Variants in IL1RAPL2 observed in about 807,000 individuals in gnomAD.
IL1RAPL2 encodes X-linked interleukin-1 receptor accessory protein-like 2.
Under a neutral mutation model 44.1 loss-of-function variants are expected in IL1RAPL2, and 3 were observed. The observed-to-expected ratio is 0.07, with a 90% CI of 0.03 to 0.18. The LOEUF (loss-of-function observed/expected upper bound fraction) is 0.18, where lower values mean the gene tolerates loss of function less well. Among genes scored for constraint, IL1RAPL2 ranks in the 10% least tolerant of loss-of-function variants. The probability of loss-of-function intolerance (pLI) is 1.00; values close to 1 mark genes in which losing one functional copy is unlikely to be tolerated. For synonymous variants in IL1RAPL2, 181 were observed against 178.8 expected (o/e 1.01, Z -0.10); for missense variants, 391 against 496.4 (o/e 0.79, Z 2.02).
intron 5 of IL1RAPL2, among the ~76,000 whole-genome samples, chrX:105,351,686 G>C (rs1322692458): frequency 9.1e-6 from 1 of 110,272 alleles, no homozygotes; most frequent in East Asian, 2.9e-4. Context: ...TGTAGATGAC[G>C]GGTTGATGGG....
At chrX:104,988,444 T>A (rs1310531352) in intron 2 of IL1RAPL2, among the ~76,000 whole-genome samples, 3 of 112,098 alleles carry the variant, frequency 2.7e-5, no homozygotes, top group Admixed American at 1.9e-4. Flanking sequence ...AGATGTAATA[T>A]CTTGTTTCTA....
At chrX:105,733,628 G>T (rs2038423036) in intron 7 of IL1RAPL2, among the ~76,000 whole-genome samples, 1 of 110,267 alleles carries the variant, frequency 9.1e-6, no homozygotes, top group Admixed American at 9.7e-5. Context: ...TCTTTCGTTG[G>T]CTGTCAACAT....
intron 5 of IL1RAPL2, among the ~76,000 whole-genome samples, chrX:105,467,985 T>TAGA (rs2036142169): frequency 8.9e-6 from 1 of 112,056 alleles, no homozygotes; most frequent in Non-Finnish European, 1.9e-5. Flanking sequence ...ACTAGCCTTC[T>TAGA]AGGTAATTCT....
At chrX:105,672,032 T>C (rs1006051499) in intron 6 of IL1RAPL2, among the ~76,000 whole-genome samples, 2 of 111,936 alleles carry the variant, frequency 1.8e-5, no homozygotes, top group Non-Finnish European at 3.8e-5. Context: ...TGCTGGGACT[T>C]TCTATTACTA....
At chrX:104,958,149 A>G (rs766625709) in intron 2 of IL1RAPL2, among the ~76,000 whole-genome samples, 1 of 111,292 alleles carries the variant, frequency 9.0e-6, no homozygotes, top group African/African-American at 3.3e-5. Flanking sequence ...AATTCTTAAT[A>G]AGTTTTGAAG....
intron 6 of IL1RAPL2, among the ~76,000 whole-genome samples, chrX:105,489,466 A>G (rs1000861948): frequency 2.7e-5 from 3 of 111,631 alleles, no homozygotes; most frequent in Non-Finnish European, 5.7e-5. Context: ...ACCCTTTTTC[A>G]TAAACTACTT....
chrX:105,692,366 G>T (rs2038042150), intron 6 of IL1RAPL2, among the ~76,000 whole-genome samples: 1 of 111,982 alleles, frequency 8.9e-6, no homozygotes, highest in African/African-American at 3.2e-5. Flanking sequence ...TTGATAGCTA[G>T]TCCACTGAGA....
intron 6 of IL1RAPL2, among the ~76,000 whole-genome samples, chrX:105,630,429 C>T (rs976769058): frequency 1.8e-5 from 2 of 110,019 alleles, no homozygotes; most frequent in African/African-American, 6.6e-5. Context: ...AAAGAGTTTA[C>T]TCAAGGAAAC....
intron 6 of IL1RAPL2, among the ~76,000 whole-genome samples, chrX:105,687,139 C>T (rs1460689727): frequency 9.0e-6 from 1 of 111,203 alleles, no homozygotes; most frequent in African/African-American, 3.3e-5. Flanking sequence ...CTAAAATTGA[C>T]ACCCTAACAT....
intron 6 of IL1RAPL2, among the ~76,000 whole-genome samples, chrX:105,561,275 A>C (rs1434034551): frequency 5.4e-5 from 6 of 111,972 alleles, no homozygotes; most frequent in Non-Finnish European, 1.1e-4. Flanking sequence ...ATTAATGCTG[A>C]CAGCTCACCT....
At chrX:104,672,601 G>A (rs1416582334) in intron 2 of IL1RAPL2, among the ~76,000 whole-genome samples, 1 of 102,933 alleles carries the variant, frequency 9.7e-6, no homozygotes, top group African/African-American at 3.6e-5. Flanking sequence ...TAGTCCTTTG[G>A]GTATATACCC....
chrX:105,197,528 C>T (rs1385889487), intron 3 of IL1RAPL2, among the ~76,000 whole-genome samples: 5 of 111,514 alleles, frequency 4.5e-5, no homozygotes, highest in Non-Finnish European at 9.4e-5. Flanking sequence ...GTCTTGTTAC[C>T]TCCCCTCTTT....
intron 1 of IL1RAPL2, among the ~76,000 whole-genome samples, chrX:104,609,712 G>T (rs746587438): frequency 1.8e-5 from 2 of 111,818 alleles, no homozygotes; most frequent in South Asian, 7.4e-4. Context: ...GGTCATTTGT[G>T]TTATTCTCTA....
At chrX:105,254,013 G>A (rs1389590763) in intron 4 of IL1RAPL2, among the ~76,000 whole-genome samples, 2 of 111,517 alleles carry the variant, frequency 1.8e-5, no homozygotes, top group Non-Finnish European at 1.9e-5. Context: ...GTGAACATTT[G>A]TATGTATGTG....
chrX:105,451,322 C>T (rs191892007), intron 5 of IL1RAPL2, among the ~76,000 whole-genome samples: 218 of 111,392 alleles, frequency 2.0e-3, no homozygotes, highest in African/African-American at 6.8e-3. Context: ...TTTCTAATGG[C>T]CTGCTTAGAC....
At chrX:104,717,764 C>T (rs1268568299) in intron 2 of IL1RAPL2, among the ~76,000 whole-genome samples, 2 of 108,671 alleles carry the variant, frequency 1.8e-5, no homozygotes. Flanking sequence ...CCCCCCCCCA[C>T]CCCACAACAG....
chrX:104,574,233 CA>C lies in IL1RAPL2; in HGVS notation c.-20+7184del, dbSNP rs1212762427. 6.3e-5 allele frequency among the ~76,000 whole-genome samples: 7 copies of C among 110,994 alleles called. No individual in the cohort carries two copies. The Admixed American group carries it at 6.7e-4, about 11-fold the overall frequency. On this transcript the variant is annotated intron_variant, in intron 1 of 10. Coordinates refer to ENST00000372582, the MANE Select transcript of IL1RAPL2 (RefSeq NM_017416.2). ...TAGGAAAAATATCTGTGACACATAA[CA>C]ATGGGTAGTTATTCTTAACATAAAA...
chrX:105,405,182 A>G (rs2035634150), intron 5 of IL1RAPL2, among the ~76,000 whole-genome samples: 1 of 111,757 alleles, frequency 8.9e-6, no homozygotes, highest in Non-Finnish European at 1.9e-5. Context: ...GTTCAGAATA[A>G]TAAAATAAGT....
At chrX:105,551,761 A>T (rs1351215118) in intron 6 of IL1RAPL2, among the ~76,000 whole-genome samples, 1 of 112,087 alleles carries the variant, frequency 8.9e-6, no homozygotes, top group Non-Finnish European at 1.9e-5. Flanking sequence ...TATGCAATGA[A>T]AAATGTTAAC....
Sources: gnomAD v4.1 joint callset for allele counts (sites outside exome capture counted in the v4.1 genomes callset) on GRCh38, gnomAD v4.1.1 for gene constraint, MANE v1.5 for transcripts, NCBI Gene and HGNC (gene_info 2026-07-23, HGNC 2026-07-21) for gene names.